Variants in BCL10 observed in about 807,000 individuals in gnomAD.
The protein encoded by BCL10 is BCL10 immune signaling adaptor.
A neutral mutation model predicts 19.2 loss-of-function variants in BCL10; 5 were observed. The observed-to-expected ratio is 0.26, with a 90% CI of 0.14 to 0.55. BCL10 has a LOEUF of 0.55. Ranked by LOEUF, BCL10 falls within the 20% of genes least tolerant of loss-of-function variation. The pLI, the probability that BCL10 is intolerant of heterozygous loss-of-function variation, is 0.94. For synonymous variants in BCL10, 110 were observed against 98.8 expected (o/e 1.11, Z -0.67); for missense variants, 201 against 271.9 (o/e 0.74, Z 1.83).
chr1:85,267,789 G>C lies in BCL10; in HGVS notation c.540C>G (p.Gly180=), dbSNP rs762904134. Reference sequence around the variant, plus strand: ...AAGAGAAGATGGTATTTTCAGTTCTGCCTACTTCTAGAACAGGCAAATTCA... The same window carrying C: ...AAGAGAAGATGGTATTTTCAGTTCTCCCTACTTCTAGAACAGGCAAATTCA... The part of the protein sequence containing the change: ...SSLNLPVLEV[G]RTENTIFSST... The change falls in exon 3 of 3, where the codon GGC becomes GGG. Residue 180 remains glycine (G), a synonymous_variant. Transcript: ENST00000648566. The C allele has an allele frequency of 6.2e-6, 10 of 1,614,174 alleles. 1 individual carries two copies. The South Asian group carries it at 1.1e-4, about 18-fold the overall frequency.
chr1:85,271,665 A>C (rs1341568122), intron 1 of BCL10, among the ~76,000 whole-genome samples: 1 of 152,224 alleles, frequency 6.6e-6, no homozygotes, highest in Admixed American at 6.5e-5. Flanking sequence ...TATTTACTAG[A>C]TATATGATCT....
Position 85,267,996 on chromosome 1 carries a change from A to G in BCL10, c.347-14T>C. On this transcript the variant is annotated splice_polypyrimidine_tract_variant and intron_variant, in intron 2 of 2. Coordinates refer to ENST00000648566, the MANE Select transcript of BCL10 (RefSeq NM_003921.5). ...TACATTTTAGTCCTACAATAAAATT[A>G]TTCAGATGTAAATGAAAAAGTAACT... 2 of 1,473,712 alleles carry G rather than the reference A, an allele frequency of 1.4e-6. No individual in the cohort carries two copies. The highest frequency in any genetic ancestry group is 1.8e-6 in the Non-Finnish European group (2 of 1,101,988). 91.3% of individuals were successfully genotyped at this position (1,473,712 alleles called of 1,614,324 possible). A position where few individuals can be genotyped will look rare whatever the true frequency, so the allele number is the denominator to read the frequency against.
Position 85,267,829 on chromosome 1 carries a change from G to GA in BCL10, c.499dup (p.Ser167PhefsTer3), listed in dbSNP as rs387906350. On this transcript the variant is annotated frameshift_variant, in exon 3 of 3. Coordinates refer to ENST00000648566, the MANE Select transcript of BCL10 (RefSeq NM_003921.5). LOFTEE classifies it high-confidence loss of function. ...AGGCAAATTCAGAGAAGAATTAGTAGAAAAAAAGGGCGTCGTGCTGGATTC... is the reference window on the plus strand; with the variant it reads ...AGGCAAATTCAGAGAAGAATTAGTAGAAAAAAAAGGGCGTCGTGCTGGATTC... The GA allele has an allele frequency of 6.2e-7, 1 of 1,614,120 alleles. No homozygotes were observed. Among genetic ancestry groups the GA allele is most frequent in the Non-Finnish European group, 8.5e-7 (1 of 1,180,026 alleles).
In BCL10 at chr1:85,268,598, T is replaced by C. The variant is rs375962512; in HGVS notation, c.347-616A>G. On this transcript the variant is annotated intron_variant, in intron 2 of 2. Transcript: ENST00000648566. Reference sequence around the variant, plus strand: ...GCCTGGCCAACATGGCGAAACCCCATCTCTACTAAAAATACAGAAATTAGC... The same window carrying C: ...GCCTGGCCAACATGGCGAAACCCCACCTCTACTAAAAATACAGAAATTAGC... 2.6e-4 allele frequency among the ~76,000 whole-genome samples: 39 copies of C among 152,038 alleles called. No homozygotes were observed. In the East Asian group the frequency reaches 7.6e-3, roughly 29 times the overall value.
chr1:85,273,412 CTTG>C (rs894371098), intron 1 of BCL10, among the ~76,000 whole-genome samples: 2 of 152,140 alleles, frequency 1.3e-5, no homozygotes, highest in African/African-American at 2.4e-5. Context: ...CAATCATTTT[CTTG>C]TTGTTGTTGT....
rs1660347320 is a variant in BCL10, at chr1:85,270,688, CTG to C, written c.274_275del (p.Gln92GlufsTer10). ...LVESIRREKT[Q>X]NFLIQKITDE... ...CTGTAATCTTCTGTATCAGGAAGTT[CTG>C]TGTTTTTTCTCGCCGAATAGATTCA... On this transcript the variant is annotated frameshift_variant, in exon 2 of 3. Transcript: ENST00000648566. LOFTEE classifies it high-confidence loss of function. The C allele has an allele frequency of 6.2e-7, 1 of 1,613,620 alleles. No homozygotes were observed. The highest frequency in any genetic ancestry group is 8.5e-7 in the Non-Finnish European group (1 of 1,179,876).
intron 1 of BCL10, 133 bp downstream of exon 1, chr1:85,276,163 C>G: frequency 8.9e-7 from 1 of 1,122,422 alleles, no homozygotes; most frequent in Non-Finnish European, 1.3e-6. Context: ...TCGCCACAGT[C>G]CTCCTGTGCT....
chr1:85,274,817 T>C (rs182126161), intron 1 of BCL10, among the ~76,000 whole-genome samples: 116 of 152,258 alleles, frequency 7.6e-4, no homozygotes, highest in Admixed American at 2.2e-3. Context: ...AGCATGCACA[T>C]AGTTTCTTTC....
intron 1 of BCL10, 41 bp from the exon 2 acceptor site, chr1:85,270,947 C>A (rs781166571): frequency 1.3e-6 from 2 of 1,558,456 alleles, no homozygotes; most frequent in South Asian, 1.2e-5. Context: ...TTTTTAACAT[C>A]TAAGAAAATC....
At chr1:85,269,052 T>C (rs963604333) in intron 2 of BCL10, among the ~76,000 whole-genome samples, 4 of 152,226 alleles carry the variant, frequency 2.6e-5, no homozygotes, top group African/African-American at 7.2e-5. Flanking sequence ...CCTGGACTAA[T>C]GCCATTATCA....
In BCL10 at chr1:85,267,570, A is replaced by G; in HGVS notation, c.*57T>C. 1 of 1,375,560 alleles carries G rather than the reference A, an allele frequency of 7.3e-7. No individual in the cohort carries two copies. Among genetic ancestry groups the G allele is most frequent in the Non-Finnish European group, 9.9e-7 (1 of 1,011,978 alleles). 85.2% of individuals were successfully genotyped at this position (1,375,560 alleles called of 1,614,324 possible). ...AAATGATTACAGCCATTTTATAAAA[A>G]GTCATATTCTTTAAAACATTTTTTG... is the stretch of plus-strand genomic sequence containing the variant. On this transcript the variant is annotated 3_prime_UTR_variant, in exon 3 of 3. Coordinates refer to ENST00000648566, the MANE Select transcript of BCL10 (RefSeq NM_003921.5).
Position 85,267,340 on chromosome 1 carries a change from T to C in BCL10, c.*287A>G. ...GGGTCTATTCTCAAATAGAGATATA[T>C]TCCCTATTAAAATCAGTCTTAAAAT... is the stretch of plus-strand genomic sequence containing the variant. On this transcript the variant is annotated 3_prime_UTR_variant, in exon 3 of 3. Transcript: ENST00000648566. The C allele has an allele frequency of 3.1e-6, 1 of 325,756 alleles. No homozygotes were observed. The highest frequency in any genetic ancestry group is 5.6e-6 in the Non-Finnish European group (1 of 177,924). 20.2% of individuals were successfully genotyped at this position (325,756 alleles called of 1,614,324 possible).
rs570143386 is a variant in BCL10, at chr1:85,274,554, C to CAA, written c.57+1740_57+1741dup. Among the ~76,000 whole-genome samples the CAA allele has an allele frequency of 2.4e-3, 360 of 152,184 alleles. 7 individuals carry two copies. Among genetic ancestry groups the CAA allele is most frequent in the Admixed American group, 0.021 (328 of 15,290 alleles). On this transcript the variant is annotated intron_variant, in intron 1 of 2. Transcript: ENST00000648566. ...ACTAAAGAAGTGGGAGGTCCCAAGA[C>CAA]AAAGGGTGGTAGCACACCATTCATC...
At chr1:85,269,183 G>A (rs1402722432) in intron 2 of BCL10, among the ~76,000 whole-genome samples, 3 of 152,130 alleles carry the variant, frequency 2.0e-5, no homozygotes, top group Admixed American at 6.5e-5. Context: ...AGATGCTGGC[G>A]CCATGGTCTT....
chr1:85,271,871 A>G (rs1660377747), intron 1 of BCL10, among the ~76,000 whole-genome samples: 1 of 152,362 alleles, frequency 6.6e-6, no homozygotes, highest in South Asian at 2.1e-4. Flanking sequence ...GAAGTTCCAC[A>G]TTTACTTGTT....
At chr1:85,270,303 T>C (rs1660334899) in intron 2 of BCL10, among the ~76,000 whole-genome samples, 1 of 152,252 alleles carries the variant, frequency 6.6e-6, no homozygotes. Context: ...GACAGGGTCT[T>C]GCTCTGTTGC....
intron 1 of BCL10, among the ~76,000 whole-genome samples, chr1:85,273,553 T>C (rs1017805790): frequency 3.9e-5 from 6 of 152,250 alleles, no homozygotes; most frequent in African/African-American, 1.4e-4. Flanking sequence ...CATTTCTAGC[T>C]CAGATCTCTC....
At chr1:85,273,225 G>A (rs1660414237) in intron 1 of BCL10, among the ~76,000 whole-genome samples, 1 of 151,914 alleles carries the variant, frequency 6.6e-6, no homozygotes, top group Admixed American at 6.6e-5. Flanking sequence ...TTTCCATCCT[G>A]CCCCAGTATT....
chr1:85,274,405 T>C (rs1660454480), intron 1 of BCL10, among the ~76,000 whole-genome samples: 1 of 152,230 alleles, frequency 6.6e-6, no homozygotes, highest in Non-Finnish European at 1.5e-5. Context: ...TCATTTTTAA[T>C]TTTTGAACTG....
Sources: gnomAD v4.1 joint callset for allele counts (sites outside exome capture counted in the v4.1 genomes callset) on GRCh38, gnomAD v4.1.1 for gene constraint, MANE v1.5 for transcripts, NCBI Gene and HGNC (gene_info 2026-07-23, HGNC 2026-07-21) for gene names.